TFEC: variants seen among roughly 807,000 people sequenced by gnomAD.
TFEC encodes class E basic helix-loop-helix protein 34.
TFEC carries 31 observed loss-of-function variants against 41.6 expected under a neutral mutation model. The observed-to-expected ratio is 0.74, with a 90% CI of 0.56 to 1.01. TFEC has a LOEUF of 1.01. Ranked by LOEUF, TFEC falls within the 50% of genes least tolerant of loss-of-function variation. The probability of loss-of-function intolerance (pLI) is 0.00; values close to 1 mark genes in which losing one functional copy is unlikely to be tolerated. For missense variants in TFEC, 402 were observed against 404.1 expected (o/e 0.99, Z 0.04); for synonymous variants, 143 against 140.6 (o/e 1.02, Z -0.12).
At chr7:116,009,250 G>A (rs920365887) in intron 1 of TFEC, among the ~76,000 whole-genome samples, 1 of 152,080 alleles carries the variant, frequency 6.6e-6, no homozygotes, top group African/African-American at 2.4e-5. Context: ...TTAAAAGTAT[G>A]AGTAATTTTT....
intron 7 of TFEC, 49 bp downstream of exon 7, chr7:115,941,844 C>T: frequency 6.4e-7 from 1 of 1,565,886 alleles, no homozygotes; most frequent in Non-Finnish European, 8.7e-7. Flanking sequence ...CTGATGACAG[C>T]TGAGTCATGT....
chr7:116,113,538 T>C (rs891849351), intron 1 of TFEC, among the ~76,000 whole-genome samples: 1 of 152,024 alleles, frequency 6.6e-6, no homozygotes, highest in Non-Finnish European at 1.5e-5. Context: ...TGGTCATTTG[T>C]TATGATAGCC....
intron 1 of TFEC, among the ~76,000 whole-genome samples, chr7:115,997,222 G>A (rs1794403460): frequency 6.6e-6 from 1 of 152,184 alleles, no homozygotes; most frequent in Non-Finnish European, 1.5e-5. Context: ...CCAAGATCCA[G>A]GTAGCTCAGC....
At chr7:115,989,157 T>C (rs753338728) in intron 1 of TFEC, among the ~76,000 whole-genome samples, 2 of 152,204 alleles carry the variant, frequency 1.3e-5, no homozygotes, top group Admixed American at 1.3e-4. Context: ...AAGTCAGACC[T>C]ACATAGAGAG....
chr7:116,005,956 G>A (rs189167371), intron 1 of TFEC, among the ~76,000 whole-genome samples: 69 of 152,332 alleles, frequency 4.5e-4, no homozygotes, highest in East Asian at 1.9e-3. Context: ...TTCAGAGGGC[G>A]GAAGCCCCAA....
intron 1 of TFEC, among the ~76,000 whole-genome samples, chr7:116,114,756 A>C (rs936488812): frequency 1.3e-5 from 2 of 152,008 alleles, no homozygotes; most frequent in Non-Finnish European, 2.9e-5. Context: ...AGAGCGGTAA[A>C]AAATTATCAG....
At chr7:116,111,925 T>A (rs1012670365) in intron 2 of TFEC, 2 of 805,512 alleles carry the variant, frequency 2.5e-6, no homozygotes, top group Non-Finnish European at 3.0e-6. Context: ...ATGATAGTAC[T>A]TGATTGAATA....
At position 116,110,849 on chromosome 7, in the gene TFEC, CT is replaced by C; in HGVS notation, c.56del (p.Lys19ArgfsTer69). The C allele has an allele frequency of 6.5e-7, 1 of 1,545,250 alleles. No individual in the cohort carries two copies. On this transcript the variant is annotated frameshift_variant, in exon 3 of 9. Coordinates refer to the TFEC transcript ENST00000484212. LOFTEE classifies it high-confidence loss of function. ...CCTGGCTGATTTGAAGTCTTCTCTC[CT>C]TTTCTCCTAATTGTTCTTTCAGCTG...
chr7:115,951,435 C>T (rs754519216), intron 5 of TFEC, among the ~76,000 whole-genome samples: 2 of 152,186 alleles, frequency 1.3e-5, no homozygotes, highest in Admixed American at 6.6e-5. Flanking sequence ...AGGGACCTAA[C>T]TTACTTATTT....
intron 6 of TFEC, among the ~76,000 whole-genome samples, chr7:115,949,759 C>A (rs893532959): frequency 6.6e-6 from 1 of 151,984 alleles, no homozygotes; most frequent in African/African-American, 2.4e-5. Context: ...AGAAGAAAAC[C>A]TAGGCATTAC....
chr7:116,085,652 T>C (rs1283396424), intron 3 of TFEC, among the ~76,000 whole-genome samples: 1 of 151,938 alleles, frequency 6.6e-6, no homozygotes, highest in Non-Finnish European at 1.5e-5. Context: ...AGTTTGTTTA[T>C]AGATTTCATT....
intron 5 of TFEC, among the ~76,000 whole-genome samples, chr7:115,951,673 G>C (rs1436498274): frequency 6.6e-6 from 1 of 152,044 alleles, no homozygotes; most frequent in Admixed American, 6.6e-5. Flanking sequence ...GAGTGGGCAA[G>C]AATTTCCATT....
chr7:116,003,787 C>T (rs1206285635), intron 1 of TFEC, among the ~76,000 whole-genome samples: 2 of 152,050 alleles, frequency 1.3e-5, no homozygotes, highest in Non-Finnish European at 2.9e-5. Context: ...ACAATATCTG[C>T]ACTCAGATAA....
At chr7:115,973,286 T>G (rs910808269) in intron 3 of TFEC, among the ~76,000 whole-genome samples, 1 of 151,990 alleles carries the variant, frequency 6.6e-6, no homozygotes, top group South Asian at 2.1e-4. Context: ...TTCCACCATT[T>G]TTTTTCTAGG....
chr7:116,025,976 T>C (rs911491983), intron 1 of TFEC, among the ~76,000 whole-genome samples: 2 of 152,216 alleles, frequency 1.3e-5, no homozygotes, highest in Non-Finnish European at 2.9e-5. Context: ...AATTTAAAAC[T>C]AATAACTCCA....
At chr7:115,941,662 T>C in intron 7 of TFEC, 1 of 533,426 alleles carries the variant, frequency 1.9e-6, no homozygotes, top group Non-Finnish European at 3.3e-6. Context: ...CACATATATG[T>C]GTATATACAT....
chr7:116,115,998 T>C (rs748864229), intron 1 of TFEC, among the ~76,000 whole-genome samples: 10 of 151,972 alleles, frequency 6.6e-5, no homozygotes, highest in Non-Finnish European at 1.3e-4. Flanking sequence ...TGTGGTTATT[T>C]ACAGCTGATA....
intron 3 of TFEC, among the ~76,000 whole-genome samples, chr7:116,050,516 C>T (rs1796282482): frequency 6.6e-6 from 1 of 152,216 alleles, no homozygotes. Flanking sequence ...CAAAACAAGA[C>T]ATTTATGCAG....
intron 1 of TFEC, among the ~76,000 whole-genome samples, chr7:116,123,316 C>CCTTTTT (rs1191949885): frequency 6.6e-6 from 1 of 152,080 alleles, no homozygotes; most frequent in Non-Finnish European, 1.5e-5. Flanking sequence ...TCCAACCTCT[C>CCTTTTT]CTTTTTCTTT....
Sources: allele counts gnomAD v4.1 joint callset (sites outside exome capture counted in the v4.1 genomes callset), GRCh38; gene constraint gnomAD v4.1.1; transcripts MANE v1.5; gene names NCBI Gene and HGNC (gene_info 2026-07-23, HGNC 2026-07-21).